NRP2: variants seen among roughly 807,000 people sequenced by gnomAD.
The protein encoded by NRP2 is neuropilin 2, also known as neuropilin-2.
Under a neutral mutation model 110.4 loss-of-function variants are expected in NRP2, and 52 were observed. The ratio of observed to expected loss-of-function variants is 0.47; its 90% CI spans 0.38 to 0.59. The LOEUF is 0.59. Ranked by LOEUF, NRP2 falls within the 20% of genes least tolerant of loss-of-function variation. The pLI is 0.00. For synonymous variants in NRP2, 508 were observed against 468.9 expected, an observed-to-expected ratio of 1.08 and a Z score of -1.08; for missense variants, 1,049 against 1,203.0, an observed-to-expected ratio of 0.87 and a Z score of 1.89.
At chr2:205,689,604 C>T (rs1008817483) in intron 1 of NRP2, among the ~76,000 whole-genome samples, 12 of 152,180 alleles carry the variant, frequency 7.9e-5, no homozygotes, top group Middle Eastern at 6.3e-3. Flanking sequence ...TATTATCTCT[C>T]GCCATGCTCT....
chr2:205,766,833 T>C, intron 15 of NRP2, 30 bp downstream of exon 15: 1 of 1,603,672 alleles, frequency 6.2e-7, no homozygotes, highest in Non-Finnish European at 8.5e-7. Context: ...AAAAAAATTT[T>C]TTTTTTGCAT....
At chr2:205,721,697 G>T (rs1016029859) in intron 3 of NRP2, among the ~76,000 whole-genome samples, 1 of 152,188 alleles carries the variant, frequency 6.6e-6, no homozygotes, top group Non-Finnish European at 1.5e-5. Context: ...AGACGCAAGA[G>T]CTCAGGAGAG....
chr2:205,777,752 G>A (rs765430061), intron 15 of NRP2: 19 of 152,170 alleles, frequency 1.2e-4, no homozygotes, highest in Non-Finnish European at 2.4e-4. Flanking sequence ...ATCTATAGCC[G>A]CTAAAATGTA....
At chr2:205,770,145 G>A (rs16837641) in intron 15 of NRP2, among the ~76,000 whole-genome samples, 45,321 of 152,034 alleles carry the variant, frequency 0.3, 7,488 homozygotes, top group East Asian at 0.57. Flanking sequence ...TTGTCAGAGG[G>A]AAGGATTCAG....
At position 205,797,055 on chromosome 2, in the gene NRP2, T is replaced by A. The variant is rs1251322104; in HGVS notation, c.*1997T>A. 2 of 152,656 alleles carry A rather than the reference T, an allele frequency of 1.3e-5. No homozygotes were observed. The highest frequency in any genetic ancestry group is 2.9e-5 in the Non-Finnish European group (2 of 68,056). 9.5% of individuals were successfully genotyped at this position (152,656 alleles called of 1,614,324 possible). ...GTGTGTGTGTCTTTGCTGCTTTGAG[T>A]TCTCTGTATCTACTGTGTATGTGAA... On this transcript the variant is annotated 3_prime_UTR_variant, in exon 17 of 17. Coordinates refer to ENST00000357785, the MANE Select transcript of NRP2 (RefSeq NM_003872.3).
chr2:205,743,637 C>A, intron 9 of NRP2, 85 bp downstream of exon 9: 1 of 1,546,992 alleles, frequency 6.5e-7, no homozygotes, highest in East Asian at 2.3e-5. Flanking sequence ...GATGATGTCC[C>A]ATCTAAACAG....
At chr2:205,759,403 C>T (rs144525664) in intron 12 of NRP2, 29 of 152,312 alleles carry the variant, frequency 1.9e-4, no homozygotes, top group Admixed American at 5.9e-4. Flanking sequence ...ACACTACAGA[C>T]GTGGCCTATG....
At chr2:205,751,315 T>C (rs1024092272) in intron 11 of NRP2, among the ~76,000 whole-genome samples, 1 of 152,244 alleles carries the variant, frequency 6.6e-6, no homozygotes, top group South Asian at 2.1e-4. Context: ...GAGGTTTCTT[T>C]GATGGTTCCT....
In NRP2 at chr2:205,728,026, C is replaced by T; in HGVS notation, c.1126C>T (p.Arg376Trp). Residue 376 changes from arginine to tryptophan, a missense_variant, in exon 7 of 17, where the codon CGG becomes TGG. By Grantham distance (101) the Arg-to-Trp change is moderately radical (BLOSUM62 -3). Coordinates refer to ENST00000357785, the MANE Select transcript of NRP2 (RefSeq NM_003872.3). Reference protein sequence around the residue: ...STNGEDWMVYRHGKNHKVFQA... With the variant: ...STNGEDWMVYWHGKNHKVFQA... ...TAATGGAGAGGACTGGATGGTGTAC[C>T]GGCATGGCAAAAACCACAAGGTAAA... 1.2e-6 allele frequency: 2 copies of T among 1,614,068 alleles called. No individual in the cohort carries two copies. Among genetic ancestry groups the T allele is most frequent in the Non-Finnish European group, 1.7e-6 (2 of 1,180,028 alleles).
intron 3 of NRP2, 43 bp downstream of exon 3, chr2:205,716,417 G>C: frequency 6.2e-7 from 1 of 1,604,958 alleles, no homozygotes; most frequent in Non-Finnish European, 8.5e-7. Flanking sequence ...GGGCGTCTTA[G>C]AGAAGAAGGA....
chr2:205,777,848 C>T (rs1231972223), intron 15 of NRP2: 1 of 152,178 alleles, frequency 6.6e-6, no homozygotes, highest in Non-Finnish European at 1.5e-5. Flanking sequence ...CCCCTTAAAA[C>T]ATTCATGGCA....
At chr2:205,747,122 G>T (rs1014082582) in intron 10 of NRP2, among the ~76,000 whole-genome samples, 31 of 152,286 alleles carry the variant, frequency 2.0e-4, no homozygotes, top group Admixed American at 1.2e-3. Context: ...AGGGGATCCA[G>T]GAGCTTGTAA....
At chr2:205,748,051 A>G (rs1376446421) in intron 10 of NRP2, among the ~76,000 whole-genome samples, 1 of 151,960 alleles carries the variant, frequency 6.6e-6, no homozygotes, top group Non-Finnish European at 1.5e-5. Flanking sequence ...TAGTACAAAC[A>G]GTATAAACAC....
intron 15 of NRP2, among the ~76,000 whole-genome samples, chr2:205,783,555 C>G (rs2058201087): frequency 6.6e-6 from 1 of 152,226 alleles, no homozygotes; most frequent in Non-Finnish European, 1.5e-5. Context: ...CCACAGGCCC[C>G]CACACTGGCC....
chr2:205,690,626 ACAC>A (rs2056293757), intron 1 of NRP2, among the ~76,000 whole-genome samples: 1 of 124,500 alleles, frequency 8.0e-6, no homozygotes, highest in African/African-American at 3.0e-5. Context: ...ACACACACAC[ACAC>A]AATAGCTGGG....
intron 15 of NRP2, chr2:205,776,610 T>C (rs1333106056): frequency 4.4e-6 from 7 of 1,597,484 alleles, no homozygotes; most frequent in African/African-American, 1.3e-5. Flanking sequence ...TCTCCTCGCC[T>C]AGTTTCTGTG....
intron 16 of NRP2, among the ~76,000 whole-genome samples, chr2:205,794,116 A>T (rs978115788): frequency 7.2e-5 from 11 of 152,184 alleles, no homozygotes; most frequent in African/African-American, 1.7e-4. Context: ...TTATTTATTT[A>T]TTTATTTTTT....
At position 205,752,935 on chromosome 2, in the gene NRP2, C is replaced by A. The variant is rs1326046450; in HGVS notation, c.2004C>A (p.Thr668=). The A allele has an allele frequency of 6.2e-7, 1 of 1,614,078 alleles. No homozygotes were observed. The part of the protein sequence containing the change: ...MYDHAKWLRT[T]WASSSSPNDR... ...ACCATGCCAAGTGGCTCCGGACCACCTGGGCCAGCAGCTCCAGCCCAAACG... is the reference window on the plus strand; with the variant it reads ...ACCATGCCAAGTGGCTCCGGACCACATGGGCCAGCAGCTCCAGCCCAAACG... The change falls in exon 12 of 17, where the codon ACC becomes ACA. Residue 668 remains threonine, a synonymous_variant. Coordinates refer to ENST00000357785, the MANE Select transcript of NRP2 (RefSeq NM_003872.3).
At chr2:205,711,856 C>T (rs988872723) in intron 2 of NRP2, among the ~76,000 whole-genome samples, 18 of 152,238 alleles carry the variant, frequency 1.2e-4, no homozygotes, top group African/African-American at 4.3e-4. Context: ...CTTGGTGAAT[C>T]TTCCAGCACA....
Sources: gnomAD v4.1 joint callset for allele counts (sites outside exome capture counted in the v4.1 genomes callset) on GRCh38, gnomAD v4.1.1 for gene constraint, MANE v1.5 for transcripts, NCBI Gene and HGNC (gene_info 2026-07-23, HGNC 2026-07-21) for gene names.